GARNL3: variants seen among roughly 807,000 people sequenced by gnomAD.
GARNL3 encodes GTPase activating Rap/RanGAP domain like 3.
Under a neutral mutation model 125.0 loss-of-function variants are expected in GARNL3, and 63 were observed. That is an observed-to-expected ratio of 0.50 (90% CI 0.41 to 0.62). The LOEUF (loss-of-function observed/expected upper bound fraction) is 0.62, where lower values mean the gene tolerates loss of function less well. GARNL3 is among the 20% of genes least tolerant of loss of function. The pLI is 0.00. For synonymous variants in GARNL3, 439 were observed against 457.5 expected (o/e 0.96, Z 0.52); for missense variants, 994 against 1,244.0 (o/e 0.80, Z 3.02).
At chr9:127,253,803 T>C (rs2063448182) in intron 2 of GARNL3, among the ~76,000 whole-genome samples, 1 of 152,090 alleles carries the variant, frequency 6.6e-6, no homozygotes, top group Non-Finnish European at 1.5e-5. Flanking sequence ...TTCAATTCAA[T>C]ATAGAAAAAT....
intron 16 of GARNL3, among the ~76,000 whole-genome samples, chr9:127,347,380 C>T (rs1483832918): frequency 6.6e-6 from 1 of 152,066 alleles, no homozygotes; most frequent in Non-Finnish European, 1.5e-5. Context: ...CATGTTCACA[C>T]CACTGCACTC....
chr9:127,260,109 G>A (rs967064556), upstream of GARNL3, among the ~76,000 whole-genome samples: 1 of 152,158 alleles, frequency 6.6e-6, no homozygotes, highest in African/African-American at 2.4e-5. Flanking sequence ...TACAGATGAA[G>A]GAACTAATTC....
intron 11 of GARNL3, 130 bp downstream of exon 11, chr9:127,336,366 G>C (rs1477200229): frequency 1.2e-5 from 7 of 593,742 alleles, no homozygotes; most frequent in South Asian, 4.4e-5. Flanking sequence ...CACTTTTGGG[G>C]AATTTTTCCT....
chr9:127,235,355 G>GT (rs1174680689), intron 1 of GARNL3, among the ~76,000 whole-genome samples: 2 of 151,912 alleles, frequency 1.3e-5, no homozygotes, highest in African/African-American at 4.8e-5. Context: ...CAAGGTTTTT[G>GT]TTTTGTTTAG....
chr9:127,231,443 CA>C (rs770296876), intron 1 of GARNL3, among the ~76,000 whole-genome samples: 2 of 151,868 alleles, frequency 1.3e-5, no homozygotes, highest in Non-Finnish European at 2.9e-5. Context: ...ATTGATGAAC[CA>C]GAGTTATTTT....
At chr9:127,302,885 C>T (rs1407888332) in intron 2 of GARNL3, among the ~76,000 whole-genome samples, 1 of 152,256 alleles carries the variant, frequency 6.6e-6, no homozygotes, top group Non-Finnish European at 1.5e-5. Context: ...GGCATGGTGG[C>T]TCACGCCTGT....
Position 127,390,680 on chromosome 9 carries a change from C to T in GARNL3, c.2783C>T (p.Pro928Leu). 6.2e-7 allele frequency: 1 copy of T among 1,613,978 alleles called. No individual in the cohort carries two copies. Among genetic ancestry groups the T allele is most frequent in the Non-Finnish European group, 8.5e-7 (1 of 1,179,886 alleles). The change falls in exon 27 of 28, where the codon CCA (proline) becomes CTA (leucine). Residue 928 changes from proline (P) to leucine (L), a missense_variant. Pro to Leu is a moderately conservative substitution (Grantham distance 98). Around this residue, in one of 5 missense-constraint regions of GARNL3, gnomAD observed 728 missense variants for 865.7 expected, o/e 0.84. Coordinates refer to ENST00000373387, the MANE Select transcript of GARNL3 (RefSeq NM_032293.5). ...GGTGGACCCAAGTCAGAAGGAGCGC[C>T]AAAGGCCAAATCAAAACCCCGGAAG... is the stretch of plus-strand genomic sequence containing the variant. ...DEGGPKSEGA[P>L]KAKSKPRKRL...
At chr9:127,293,341 A>T (rs1159219266) in intron 2 of GARNL3, among the ~76,000 whole-genome samples, 1 of 152,246 alleles carries the variant, frequency 6.6e-6, no homozygotes, top group Non-Finnish European at 1.5e-5. Context: ...AGAGTTTTTT[A>T]TATAGTCTGG....
intron 22 of GARNL3, among the ~76,000 whole-genome samples, chr9:127,372,608 A>G (rs1314468350): frequency 6.6e-6 from 1 of 152,126 alleles, no homozygotes; most frequent in Non-Finnish European, 1.5e-5. Context: ...TATATGTTTT[A>G]TCTGAATGTT....
intron 1 of GARNL3, among the ~76,000 whole-genome samples, chr9:127,288,632 ATTTCTTT>A (rs2064321000): frequency 6.6e-6 from 1 of 152,184 alleles, no homozygotes; most frequent in Non-Finnish European, 1.5e-5. Context: ...AGGGAGCTGA[ATTTCTTT>A]TTACCATCAA....
chr9:127,333,224 G>A (rs1383826436), intron 9 of GARNL3, 103 bp downstream of exon 9: 16 of 874,228 alleles, frequency 1.8e-5, no homozygotes, highest in Non-Finnish European at 3.0e-5. Flanking sequence ...AGGGATGGAT[G>A]AGAGAAGACT....
At position 127,393,148 on chromosome 9, in the gene GARNL3, G is replaced by A. The variant is rs769387480; in HGVS notation, c.2936G>A (p.Ser979Asn). Residue 979 changes from serine (S) to asparagine (N), a missense_variant, in exon 28 of 28, where the codon AGC becomes AAC. Coordinates refer to ENST00000373387, the MANE Select transcript of GARNL3 (RefSeq NM_032293.5). Reference protein sequence around the residue: ...SEANPEGHSASSDQDPVADRE... With the variant: ...SEANPEGHSANSDQDPVADRE... ...GCCAACCCTGAGGGGCACTCAGCCA[G>A]CTCTGACCAGGACCCTGTGGCAGAC... The A allele has an allele frequency of 1.9e-6, 3 of 1,613,090 alleles. No homozygotes were observed. The highest frequency in any genetic ancestry group is 2.5e-6 in the Non-Finnish European group (3 of 1,179,164).
At chr9:127,290,746 C>T (rs1002453347) in intron 1 of GARNL3, among the ~76,000 whole-genome samples, 2 of 152,154 alleles carry the variant, frequency 1.3e-5, no homozygotes, top group African/African-American at 4.8e-5. Flanking sequence ...GCGCTTTCTC[C>T]GATGGTAGTA....
Position 127,313,559 on chromosome 9 carries a change from A to G in GARNL3, c.438A>G (p.Thr146=), listed in dbSNP as rs1176133370. ...ACCGTGCAATTCTTTGGAGAAAAAC[A>G]GTAAGTATATGGCTCACACTTGAAG... ...PQYRAILWRK[T]GTQKICLPYS... is the part of the protein sequence containing the mutation. The change falls in exon 4 of 28, where the codon ACA becomes ACG. Residue 146 remains threonine, a splice_region_variant and synonymous_variant. Transcript: ENST00000373387. 1 of 1,603,486 alleles carries G rather than the reference A, an allele frequency of 6.2e-7. No individual in the cohort carries two copies. Among genetic ancestry groups the G allele is most frequent in the Admixed American group, 1.7e-5 (1 of 60,014 alleles).
At chr9:127,283,848 A>G (rs1381612004) in intron 1 of GARNL3, among the ~76,000 whole-genome samples, 1 of 152,150 alleles carries the variant, frequency 6.6e-6, no homozygotes, top group Admixed American at 6.5e-5. Flanking sequence ...TCCCTCCTGG[A>G]CACGGTCTTC....
intron 1 of GARNL3, among the ~76,000 whole-genome samples, chr9:127,228,918 G>C (rs982344517): frequency 1.4e-4 from 21 of 152,046 alleles, no homozygotes; most frequent in African/African-American, 5.1e-4. Context: ...CCGCCTCCTG[G>C]GTTCAAGCAA....
intron 2 of GARNL3, among the ~76,000 whole-genome samples, chr9:127,246,436 G>T (rs1357504424): frequency 6.6e-6 from 1 of 152,152 alleles, no homozygotes; most frequent in Non-Finnish European, 1.5e-5. Flanking sequence ...TGAGTAGTTG[G>T]TGTTGTCATT....
intron 1 of GARNL3, among the ~76,000 whole-genome samples, chr9:127,290,142 C>T (rs971863691): frequency 9.2e-5 from 14 of 152,040 alleles, no homozygotes; most frequent in East Asian, 3.9e-4. Flanking sequence ...GAGAATTAAA[C>T]GAGATAATAC....
chr9:127,231,503 T>C (rs569248038), intron 1 of GARNL3, among the ~76,000 whole-genome samples: 2 of 152,320 alleles, frequency 1.3e-5, no homozygotes, highest in African/African-American at 4.8e-5. Flanking sequence ...CAATATTTCA[T>C]AGAGGCCAAA....
Sources: allele counts gnomAD v4.1 joint callset (sites outside exome capture counted in the v4.1 genomes callset), GRCh38; gene constraint gnomAD v4.1.1; regional missense constraint gnomAD v4.1.1; transcripts MANE v1.5; gene names NCBI Gene and HGNC (gene_info 2026-07-23, HGNC 2026-07-21).